BMPR1B: variants seen among roughly 807,000 people sequenced by gnomAD.
BMPR1B encodes bone morphogenetic protein receptor type-1B.
Under a neutral mutation model 59.1 loss-of-function variants are expected in BMPR1B, and 12 were observed. The ratio of observed to expected loss-of-function variants is 0.20; its 90% confidence interval spans 0.13 to 0.33. The LOEUF (loss-of-function observed/expected upper bound fraction) is 0.33. Ranked by LOEUF, BMPR1B falls within the 10% of genes least tolerant of loss-of-function variation. The pLI, the probability that BMPR1B is intolerant of heterozygous loss-of-function variation, is 1.00. For missense variants in BMPR1B, 550 were observed against 610.9 expected, an observed-to-expected ratio of 0.90 and a Z score of 1.05; for synonymous variants, 237 against 207.3, an observed-to-expected ratio of 1.14 and a Z score of -1.23.
intron 10 of BMPR1B, 32 bp from the exon 11 acceptor site, chr4:95,148,716 T>G (rs1734820914): frequency 6.2e-7 from 1 of 1,604,544 alleles, no homozygotes; most frequent in Non-Finnish European, 8.5e-7. Flanking sequence ...TCCTCTTCAA[T>G]GCTGTAATGC....
chr4:95,154,824 G>GTCGCT lies in BMPR1B; in HGVS notation c.*151_*152insTCGCT, dbSNP rs1735300082. On this transcript the variant is annotated 3_prime_UTR_variant, in exon 13 of 13. Transcript: ENST00000515059. ...GTTCAGACCTCACCTCTCAGGGAGC[G>GTCGCT]ACCTGGGCAAAGACAGAGAAGCTCC... 9.3e-7 allele frequency: 1 copy of GTCGCT among 1,080,174 alleles called. No individual in the cohort carries two copies. Among genetic ancestry groups the GTCGCT allele is most frequent in the Non-Finnish European group, 1.4e-6 (1 of 734,450 alleles). The allele number at this position is 1,080,174 out of a possible 1,614,324, so 66.9% of individuals were successfully genotyped here. A position where few individuals can be genotyped will look rare whatever the true frequency, so the allele number is the denominator to read the frequency against.
intron 2 of BMPR1B, among the ~76,000 whole-genome samples, chr4:94,877,298 A>C (rs1726768367): frequency 6.6e-6 from 1 of 152,176 alleles, no homozygotes; most frequent in Admixed American, 6.5e-5. Flanking sequence ...GAACCTTCCT[A>C]CCAGGGTGAG....
chr4:94,836,365 A>G (rs1167315214), intron 1 of BMPR1B, among the ~76,000 whole-genome samples: 1 of 139,370 alleles, frequency 7.2e-6, no homozygotes, highest in East Asian at 2.2e-4. Context: ...ACTAGTTTAC[A>G]GTCCCACCAA....
chr4:94,771,564 A>G (rs182942120), intron 1 of BMPR1B, among the ~76,000 whole-genome samples: 11 of 152,328 alleles, frequency 7.2e-5, no homozygotes, highest in African/African-American at 2.4e-4. Context: ...TATCCTGAGG[A>G]GAGAGGTGGA....
At chr4:95,147,472 G>A (rs1734731237) in intron 10 of BMPR1B, among the ~76,000 whole-genome samples, 1 of 152,016 alleles carries the variant, frequency 6.6e-6, no homozygotes, top group Non-Finnish European at 1.5e-5. Context: ...ATGACAGCAG[G>A]ATAAGTGTGA....
intron 2 of BMPR1B, among the ~76,000 whole-genome samples, chr4:94,957,608 GT>G (rs1299958382): frequency 6.6e-6 from 1 of 151,504 alleles, no homozygotes; most frequent in Non-Finnish European, 1.5e-5. Context: ...CCTTTCTACT[GT>G]TCCTTTAGCT....
intron 8 of BMPR1B, among the ~76,000 whole-genome samples, chr4:95,125,981 A>T (rs1280701012): frequency 1.3e-5 from 2 of 152,162 alleles, no homozygotes; most frequent in South Asian, 4.1e-4. Flanking sequence ...TCTCAAATAC[A>T]ACATATATCC....
intron 1 of BMPR1B, among the ~76,000 whole-genome samples, chr4:94,812,836 G>C (rs947169414): frequency 2.0e-5 from 3 of 152,112 alleles, no homozygotes; most frequent in Non-Finnish European, 4.4e-5. Context: ...CAATTGAGTA[G>C]CATATTTGAC....
At chr4:94,969,032 CT>C (rs1246480689) in intron 2 of BMPR1B, among the ~76,000 whole-genome samples, 7 of 150,864 alleles carry the variant, frequency 4.6e-5, no homozygotes, top group Non-Finnish European at 8.8e-5. Flanking sequence ...CCTGAGTTTA[CT>C]TTTTTTGTTG....
At chr4:94,990,366 AAAAAG>A (rs1259312448) in intron 2 of BMPR1B, among the ~76,000 whole-genome samples, 6 of 152,202 alleles carry the variant, frequency 3.9e-5, no homozygotes, top group Non-Finnish European at 8.8e-5. Flanking sequence ...CTCAAAAAAG[AAAAAG>A]AAAATATAAG....
At chr4:95,116,638 C>T (rs1265424464) in intron 6 of BMPR1B, among the ~76,000 whole-genome samples, 1 of 148,470 alleles carries the variant, frequency 6.7e-6, no homozygotes, top group East Asian at 2.0e-4. Flanking sequence ...TTTTTTGAGA[C>T]AGGGTCTTGC....
intron 2 of BMPR1B, among the ~76,000 whole-genome samples, chr4:94,912,833 T>C (rs1302818322): frequency 1.3e-5 from 2 of 152,148 alleles, no homozygotes; most frequent in Non-Finnish European, 2.9e-5. Context: ...GCCGTATCTC[T>C]TCCTGTGTAG....
chr4:95,015,938 G>A (rs1447693625), intron 3 of BMPR1B, among the ~76,000 whole-genome samples: 2 of 152,122 alleles, frequency 1.3e-5, no homozygotes, highest in African/African-American at 2.4e-5. Flanking sequence ...TGATCCGCCC[G>A]CCTTGGCTTC....
At chr4:94,842,116 A>C (rs1725111459) in intron 1 of BMPR1B, among the ~76,000 whole-genome samples, 1 of 152,192 alleles carries the variant, frequency 6.6e-6, no homozygotes. Context: ...AGCCTGAAGC[A>C]CAAATTATTT....
At chr4:94,976,767 G>A (rs147308939) in intron 2 of BMPR1B, among the ~76,000 whole-genome samples, 6 of 152,228 alleles carry the variant, frequency 3.9e-5, no homozygotes, top group Non-Finnish European at 7.4e-5. Flanking sequence ...TTCAAAAGGG[G>A]GAAAATGAGA....
At chr4:94,988,026 G>C (rs1422090906) in intron 2 of BMPR1B, among the ~76,000 whole-genome samples, 1 of 152,108 alleles carries the variant, frequency 6.6e-6, no homozygotes, top group African/African-American at 2.4e-5. Flanking sequence ...TCCATTTGGA[G>C]TAATTGTAGA....
chr4:94,833,379 A>G (rs898633532), intron 1 of BMPR1B, among the ~76,000 whole-genome samples: 1 of 152,166 alleles, frequency 6.6e-6, no homozygotes, highest in African/African-American at 2.4e-5. Context: ...TAGGGTAAAG[A>G]CCAATATCCT....
chr4:95,090,770 AT>A (rs1241028897), intron 3 of BMPR1B, among the ~76,000 whole-genome samples: 1 of 152,112 alleles, frequency 6.6e-6, no homozygotes, highest in African/African-American at 2.4e-5. Flanking sequence ...CTTGACTCTA[AT>A]AAATATTTCA....
chr4:94,796,996 T>A (rs1723218397), intron 1 of BMPR1B, among the ~76,000 whole-genome samples: 1 of 152,192 alleles, frequency 6.6e-6, no homozygotes, highest in Non-Finnish European at 1.5e-5. Flanking sequence ...TCTGTTTTCA[T>A]GCTGCTGATA....
Sources: gnomAD v4.1 joint callset for allele counts (sites outside exome capture counted in the v4.1 genomes callset) on GRCh38, gnomAD v4.1.1 for gene constraint, MANE v1.5 for transcripts, NCBI Gene and HGNC (gene_info 2026-07-23, HGNC 2026-07-21) for gene names.